CDK19: variants seen among roughly 807,000 people sequenced by gnomAD.
CDK19 encodes cyclin-dependent kinase 19.
CDK19 carries 20 observed loss-of-function variants against 68.3 expected under a neutral mutation model. The ratio of observed to expected loss-of-function variants is 0.29; its 90% CI spans 0.21 to 0.43. The LOEUF (loss-of-function observed/expected upper bound fraction) is 0.43, where lower values mean the gene tolerates loss of function less well. Ranked by LOEUF, CDK19 falls within the 20% of genes least tolerant of loss-of-function variation. The probability of loss-of-function intolerance (pLI) is 1.00; values close to 1 mark genes in which losing one functional copy is unlikely to be tolerated. For synonymous variants in CDK19, 221 were observed against 222.8 expected (o/e 0.99, Z 0.07); for missense variants, 339 against 623.5 (o/e 0.54, Z 4.86).
intron 4 of CDK19, among the ~76,000 whole-genome samples, chr6:110,648,371 G>A (rs773313498): frequency 5.3e-5 from 8 of 152,030 alleles, no homozygotes; most frequent in Non-Finnish European, 8.8e-5. Flanking sequence ...TGAATAATAT[G>A]AAAGAGTCAA....
intron 1 of CDK19, among the ~76,000 whole-genome samples, chr6:110,800,048 A>G (rs1782240210): frequency 6.6e-6 from 1 of 152,232 alleles, no homozygotes; most frequent in African/African-American, 2.4e-5. Context: ...TTAAAATCAT[A>G]GTATTTTAAT....
intron 8 of CDK19, 115 bp from the exon 9 acceptor site, chr6:110,623,477 T>A: frequency 7.1e-7 from 1 of 1,413,210 alleles, no homozygotes; most frequent in Non-Finnish European, 9.4e-7. Flanking sequence ...TCATTGTTTT[T>A]TCTGAATAAG....
chr6:110,724,342 C>T (rs542988858), intron 2 of CDK19, among the ~76,000 whole-genome samples: 2 of 151,924 alleles, frequency 1.3e-5, no homozygotes, highest in South Asian at 2.1e-4. Context: ...GCAACAAGAG[C>T]GAAACTCCAC....
At chr6:110,794,178 T>C (rs1174673757) in intron 1 of CDK19, among the ~76,000 whole-genome samples, 1 of 151,774 alleles carries the variant, frequency 6.6e-6, no homozygotes, top group Non-Finnish European at 1.5e-5. Flanking sequence ...CCCAAGTAAC[T>C]GGGACTAAGG....
chr6:110,646,012 T>C, intron 4 of CDK19: 1 of 1,026,284 alleles, frequency 9.7e-7, no homozygotes, highest in Non-Finnish European at 1.5e-6. Flanking sequence ...AAGCAGGGTG[T>C]GCGGTCGCGG....
chr6:110,706,410 T>TG (rs1361832622), intron 2 of CDK19: 6 of 84,950 alleles, frequency 7.1e-5, no homozygotes, highest in African/African-American at 1.9e-4. Flanking sequence ...TGTTGTTTTT[T>TG]TTTTGTTTGT....
intron 4 of CDK19, among the ~76,000 whole-genome samples, chr6:110,649,325 A>G (rs1445512507): frequency 1.3e-5 from 2 of 152,206 alleles, no homozygotes; most frequent in African/African-American, 4.8e-5. Flanking sequence ...GAAAAAATCA[A>G]TTAAATGAAT....
rs9386933 is a variant in CDK19 at position 110,667,592 on chromosome 6, A to T, written c.316-18T>A. The T allele has an allele frequency of 0.15, 203,263 of 1,339,726 alleles. 17,372 individuals are homozygous for T. The highest frequency in any genetic ancestry group is 0.29 in the East Asian group (11,560 of 39,598). The allele number at this position is 1,339,726 out of a possible 1,614,324, so 83.0% of individuals were successfully genotyped here. ...ATAATATGCTAAAAATTAAAAAAAA[A>T]CATAATAATATAGTCTTTGCTAATA... On this transcript the variant is annotated intron_variant, in intron 3 of 12. Transcript: ENST00000368911.
intron 4 of CDK19, among the ~76,000 whole-genome samples, chr6:110,638,987 C>T (rs546441992): frequency 5.1e-4 from 77 of 152,158 alleles, no homozygotes; most frequent in African/African-American, 1.8e-3. Context: ...AGATTCATCC[C>T]GCAGAAAAAA....
intron 1 of CDK19, among the ~76,000 whole-genome samples, chr6:110,810,410 C>G (rs995597313): frequency 2.0e-5 from 3 of 152,124 alleles, no homozygotes; most frequent in African/African-American, 7.2e-5. Context: ...GAGAGACCAA[C>G]CAGCTACTAT....
chr6:110,728,471 C>G (rs1179467798), intron 2 of CDK19, among the ~76,000 whole-genome samples: 1 of 152,026 alleles, frequency 6.6e-6, no homozygotes, highest in Non-Finnish European at 1.5e-5. Flanking sequence ...CCACTTCTGT[C>G]TATCTTCCCT....
chr6:110,711,787 G>C (rs755902366), intron 2 of CDK19, among the ~76,000 whole-genome samples: 1 of 152,208 alleles, frequency 6.6e-6, no homozygotes, highest in Non-Finnish European at 1.5e-5. Flanking sequence ...GGCCAACATG[G>C]CAAAACCCTG....
chr6:110,677,775 A>G (rs555561179), intron 2 of CDK19, among the ~76,000 whole-genome samples: 2 of 152,168 alleles, frequency 1.3e-5, no homozygotes, highest in Admixed American at 1.3e-4. Context: ...TCAATGTTTT[A>G]ACTGTTTGCA....
intron 5 of CDK19, among the ~76,000 whole-genome samples, chr6:110,637,010 T>C (rs1346215968): frequency 6.6e-6 from 1 of 152,376 alleles, no homozygotes; most frequent in South Asian, 2.1e-4. Flanking sequence ...ACAGCTCTGA[T>C]ATCACTAGGC....
At chr6:110,697,340 G>A (rs1773563249) in intron 2 of CDK19, among the ~76,000 whole-genome samples, 1 of 151,998 alleles carries the variant, frequency 6.6e-6, no homozygotes, top group Non-Finnish European at 1.5e-5. Flanking sequence ...TGCACCAACA[G>A]TGACCAAGCT....
At position 110,621,469 on chromosome 6, in the gene CDK19, G is replaced by A. The variant is rs997181127; in HGVS notation, c.1111-99C>T. 2 of 1,203,214 alleles carry A rather than the reference G, an allele frequency of 1.7e-6. No individual in the cohort carries two copies. Among genetic ancestry groups the A allele is most frequent in the Non-Finnish European group, 1.2e-6 (1 of 855,982 alleles). 74.5% of individuals were successfully genotyped at this position (1,203,214 alleles called of 1,614,324 possible). On this transcript the variant is annotated intron_variant, in intron 11 of 12. Coordinates refer to ENST00000368911, the MANE Select transcript of CDK19 (RefSeq NM_015076.5). This position sits in a 1 kb window ranked among gnomAD's most constrained non-coding sequence, Gnocchi z 5.4. ...CATGTGGCTGCTGACCAACCTGGGG[G>A]AGCAATCTATGTGGGACACTAGAGT... is the stretch of plus-strand genomic sequence containing the variant.
At chr6:110,809,406 C>A (rs1375449864) in intron 1 of CDK19, among the ~76,000 whole-genome samples, 1 of 152,034 alleles carries the variant, frequency 6.6e-6, no homozygotes, top group Non-Finnish European at 1.5e-5. Flanking sequence ...GTGGTCCTAG[C>A]TACGCAAGAG....
intron 1 of CDK19, among the ~76,000 whole-genome samples, chr6:110,752,737 T>C (rs1301870725): frequency 6.6e-6 from 1 of 151,700 alleles, no homozygotes; most frequent in African/African-American, 2.4e-5. Context: ...TTACTCCTGT[T>C]TTTGTGTATG....
At chr6:110,699,109 A>G (rs1773761263) in intron 2 of CDK19, among the ~76,000 whole-genome samples, 1 of 151,764 alleles carries the variant, frequency 6.6e-6, no homozygotes, top group Non-Finnish European at 1.5e-5. Context: ...TCAGTCATAA[A>G]AAAGAATGAA....
Sources: gnomAD v4.1 joint callset for allele counts (sites outside exome capture counted in the v4.1 genomes callset) on GRCh38, gnomAD v4.1.1 for gene constraint, Gnocchi (gnomAD v3.1) non-coding constraint, MANE v1.5 for transcripts, NCBI Gene and HGNC (gene_info 2026-07-23, HGNC 2026-07-21) for gene names.